Variants in WRN observed in about 807,000 individuals in gnomAD.
The protein encoded by WRN is WRN RecQ like helicase.
WRN carries 149 observed loss-of-function variants against 180.7 expected under a neutral mutation model. The observed-to-expected ratio is 0.82, with a 90% CI of 0.72 to 0.94. The LOEUF is 0.94. WRN is among the 40% of genes least tolerant of loss of function. The pLI is 0.00. For missense variants in WRN, 1,661 were observed against 1,700.1 expected, an observed-to-expected ratio of 0.98 and a Z score of 0.40; for synonymous variants, 548 against 568.9, an observed-to-expected ratio of 0.96 and a Z score of 0.52.
At chr8:31,147,257 G>A in intron 29 of WRN, 107 bp from the exon 30 acceptor site, 1 of 1,458,036 alleles carries the variant, frequency 6.9e-7, no homozygotes, top group Non-Finnish European at 9.6e-7. Flanking sequence ...TTATATTTCA[G>A]TTTATATTCA....
Position 31,059,244 on chromosome 8 carries a change from C to T in WRN, c.188C>T (p.Ser63Phe). The T allele has an allele frequency of 1.9e-6, 3 of 1,613,566 alleles. No homozygotes were observed. The highest frequency in any genetic ancestry group is 2.5e-6 in the Non-Finnish European group (3 of 1,179,672). The part of the protein sequence containing the change: ...IVYSYDASDC[S>F]FLSEDISMSL... ...TATAGTTACGATGCTAGTGATTGCTCTTTCCTGTCAGAAGATATTAGGTAA... is the reference window on the plus strand; with the variant it reads ...TATAGTTACGATGCTAGTGATTGCTTTTTCCTGTCAGAAGATATTAGGTAA... Residue 63 changes from serine (S) to phenylalanine (F), a missense_variant, in exon 3 of 35, where the codon TCT (serine) becomes TTT (phenylalanine). Coordinates refer to ENST00000298139, the MANE Select transcript of WRN (RefSeq NM_000553.6).
At chr8:31,162,965 A>G (rs767716076) in intron 33 of WRN, among the ~76,000 whole-genome samples, 8 of 152,342 alleles carry the variant, frequency 5.3e-5, no homozygotes, top group Non-Finnish European at 8.8e-5. Flanking sequence ...GATTATTTTT[A>G]TAGTCTGTCC....
intron 15 of WRN, 145 bp downstream of exon 15, chr8:31,091,087 C>T (rs1813732583): frequency 2.8e-6 from 2 of 723,768 alleles, no homozygotes; most frequent in South Asian, 3.1e-5. Flanking sequence ...ATAAATGACC[C>T]TTTAGTGGAA....
intron 24 of WRN, among the ~76,000 whole-genome samples, chr8:31,134,060 C>T (rs1460037834): frequency 2.0e-5 from 3 of 152,162 alleles, no homozygotes; most frequent in African/African-American, 4.8e-5. Context: ...AAATATTACA[C>T]TACCCTTGCT....
At chr8:31,073,263 C>T (rs985739575) in intron 7 of WRN, among the ~76,000 whole-genome samples, 3 of 152,066 alleles carry the variant, frequency 2.0e-5, no homozygotes, top group African/African-American at 4.8e-5. Flanking sequence ...TTGGATTAGG[C>T]GGGTAGCAAT....
chr8:31,099,768 G>A (rs1401693184), intron 17 of WRN, among the ~76,000 whole-genome samples: 3 of 151,990 alleles, frequency 2.0e-5, no homozygotes, highest in Non-Finnish European at 2.9e-5. Flanking sequence ...AACCATAATA[G>A]GAGTAGTAGC....
At chr8:31,042,099 G>A (rs892767362) in intron 1 of WRN, among the ~76,000 whole-genome samples, 4 of 152,296 alleles carry the variant, frequency 2.6e-5, no homozygotes, top group African/African-American at 9.6e-5. Flanking sequence ...TTGGAATTGA[G>A]TTTCTAGAGG....
At chr8:31,133,070 A>T (rs1802248561) in intron 24 of WRN, among the ~76,000 whole-genome samples, 1 of 151,710 alleles carries the variant, frequency 6.6e-6, no homozygotes, top group African/African-American at 2.4e-5. Flanking sequence ...TTTTTTTTGG[A>T]GTGATTGATG....
At chr8:31,096,679 A>C in intron 16 of WRN, 89 bp from the exon 17 acceptor site, 3 of 1,067,214 alleles carry the variant, frequency 2.8e-6, no homozygotes, top group Non-Finnish European at 4.1e-6. Context: ...TTTAAGTTGT[A>C]ATTCCTTGAG....
chr8:31,082,994 T>A (rs1184153533), intron 9 of WRN, among the ~76,000 whole-genome samples: 5 of 152,230 alleles, frequency 3.3e-5, no homozygotes, highest in Admixed American at 2.6e-4. Context: ...TTTTTTTTAT[T>A]GCTTAAATTT....
At position 31,058,651 on chromosome 8, in the gene WRN, T is replaced by A. The variant is rs544479890; in HGVS notation, c.96+108T>A. On this transcript the variant is annotated intron_variant, in intron 2 of 34. Transcript: ENST00000298139. ...CTTCAAGTCATTGTTTAGGTCAGAG[T>A]TGCTGTTGTCTAAATGCACCAGGAC... 1.7e-5 allele frequency: 20 copies of A among 1,162,740 alleles called. No individual in the cohort carries two copies. The African/African-American group carries it at 2.6e-4, about 15-fold the overall frequency. 72.0% of individuals were successfully genotyped at this position (1,162,740 alleles called of 1,614,324 possible).
chr8:31,144,348 T>TG (rs892469277), intron 28 of WRN, among the ~76,000 whole-genome samples: 4 of 151,340 alleles, frequency 2.6e-5, no homozygotes, highest in Admixed American at 1.3e-4. Flanking sequence ...TGTTTTTTTT[T>TG]TTTTCGAGAC....
chr8:31,037,793 T>A (rs1224191639), intron 1 of WRN, among the ~76,000 whole-genome samples: 1 of 152,200 alleles, frequency 6.6e-6, no homozygotes, highest in Non-Finnish European at 1.5e-5. Flanking sequence ...TAGAGTTTAG[T>A]ATATTTTGAA....
chr8:31,106,913 A>T (rs1801120365), intron 18 of WRN, among the ~76,000 whole-genome samples: 1 of 152,212 alleles, frequency 6.6e-6, no homozygotes, highest in South Asian at 2.1e-4. Flanking sequence ...ATGAATGATG[A>T]TGAGAAAGCT....
chr8:31,110,347 G>A (rs1359561875), intron 18 of WRN, among the ~76,000 whole-genome samples: 1 of 152,018 alleles, frequency 6.6e-6, no homozygotes. Context: ...ATTAATTTTG[G>A]GGTTGCCTTT....
At position 31,083,717 on chromosome 8, in the gene WRN, A is replaced by G. The variant is rs573775829; in HGVS notation, c.1288A>G (p.Asn430Asp). Residue 430 changes from asparagine (N) to aspartate (D), a missense_variant, in exon 10 of 35, where the codon AAT becomes GAT. By Grantham distance (23) the Asn-to-Asp change is conservative (BLOSUM62 1). Transcript: ENST00000298139. ...TTTAAAGCATTTATCTCCCAATGATAATGAAAACGATACGTCCTATGTAAT... is the reference window on the plus strand; with the variant it reads ...TTTAAAGCATTTATCTCCCAATGATGATGAAAACGATACGTCCTATGTAAT... ...KSTEHLSPNDNENDTSYVIES... is the reference protein window; with the variant it reads ...KSTEHLSPNDDENDTSYVIES... 2.1e-5 allele frequency: 34 copies of G among 1,611,936 alleles called. No homozygotes were observed. Among genetic ancestry groups the G allele is most frequent in the Non-Finnish European group, 2.8e-5 (33 of 1,178,436 alleles).
At chr8:31,171,646 C>G (rs749049961) in intron 34 of WRN, 3 of 152,132 alleles carry the variant, frequency 2.0e-5, no homozygotes, top group Non-Finnish European at 2.9e-5. Context: ...GTGTGAAAAG[C>G]CCTTTTTTCT....
intron 1 of WRN, among the ~76,000 whole-genome samples, chr8:31,056,675 A>T (rs1812288352): frequency 6.6e-6 from 1 of 152,216 alleles, no homozygotes; most frequent in Non-Finnish European, 1.5e-5. Flanking sequence ...TCTAGTTTTA[A>T]GCAGTATGTG....
At chr8:31,041,107 TC>T (rs1811637378) in intron 1 of WRN, among the ~76,000 whole-genome samples, 1 of 152,204 alleles carries the variant, frequency 6.6e-6, no homozygotes. Context: ...TATCTCTGTG[TC>T]CATCTCTATC....
Sources: allele counts gnomAD v4.1 joint callset (sites outside exome capture counted in the v4.1 genomes callset), GRCh38; gene constraint gnomAD v4.1.1; transcripts MANE v1.5; gene names NCBI Gene and HGNC (gene_info 2026-07-23, HGNC 2026-07-21).